BPI: variants seen among roughly 807,000 people sequenced by gnomAD.
BPI encodes bactericidal permeability-increasing protein.
Under a neutral mutation model 57.6 loss-of-function variants are expected in BPI, and 48 were observed. The ratio of observed to expected loss-of-function variants is 0.83; its 90% CI spans 0.66 to 1.06. The LOEUF (loss-of-function observed/expected upper bound fraction) is 1.06, where lower values mean the gene tolerates loss of function less well. Ranked by LOEUF, BPI falls within the 50% of genes least tolerant of loss-of-function variation. The probability of loss-of-function intolerance (pLI) is 0.00; values close to 1 mark genes in which losing one functional copy is unlikely to be tolerated. For synonymous variants in BPI, 237 were observed against 238.2 expected, an observed-to-expected ratio of 0.99 and a Z score of 0.05; for missense variants, 651 against 609.7, an observed-to-expected ratio of 1.07 and a Z score of -0.71.
chr20:38,304,433 C>A, intron 1 of BPI, 80 bp downstream of exon 1: 15 of 1,543,856 alleles, frequency 9.7e-6, no homozygotes, highest in Non-Finnish European at 1.3e-5. Flanking sequence ...CCCTTTAGAT[C>A]CAGCACCTGG....
chr20:38,326,066 G>A (rs1328060333), intron 9 of BPI, among the ~76,000 whole-genome samples, 199 bp from the exon 10 acceptor site: 1 of 152,232 alleles, frequency 6.6e-6, no homozygotes, highest in Admixed American at 6.5e-5. Flanking sequence ...CATGTGGCCA[G>A]AGATGGAAGA....
chr20:38,330,192 T>C (rs2076735346), intron 11 of BPI, among the ~76,000 whole-genome samples: 1 of 152,016 alleles, frequency 6.6e-6, no homozygotes, highest in South Asian at 2.1e-4. Flanking sequence ...GATTTTGCTG[T>C]GTAGTGCAGC....
chr20:38,322,955 T>C (rs1263687199), intron 7 of BPI, among the ~76,000 whole-genome samples: 1 of 152,214 alleles, frequency 6.6e-6, no homozygotes, highest in Non-Finnish European at 1.5e-5. Flanking sequence ...ATATGGAGGT[T>C]ATGTTTGTTA....
intron 7 of BPI, among the ~76,000 whole-genome samples, chr20:38,322,344 C>T (rs6024859): frequency 0.047 from 7,108 of 152,150 alleles, 514 homozygotes; most frequent in African/African-American, 0.16. Flanking sequence ...TACAACAGAC[C>T]AAAAGATTAA....
intron 9 of BPI, among the ~76,000 whole-genome samples, chr20:38,325,038 G>A (rs2076705505): frequency 6.6e-6 from 1 of 152,212 alleles, no homozygotes; most frequent in African/African-American, 2.4e-5. Context: ...AGTAGATGCT[G>A]GCAGGAGGTG....
At chr20:38,305,948 A>T (rs1008047473) in intron 1 of BPI, among the ~76,000 whole-genome samples, 6 of 152,214 alleles carry the variant, frequency 3.9e-5, no homozygotes, top group African/African-American at 1.4e-4. Context: ...TCTGCCTTTT[A>T]ATTGGTTCTT....
intron 5 of BPI, chr20:38,317,981 A>G (rs2076660845): frequency 4.1e-6 from 4 of 985,196 alleles, no homozygotes; most frequent in Admixed American, 1.2e-4. Flanking sequence ...AAGCAGAAAC[A>G]CTGCCCATGC....
At chr20:38,332,228 C>T (rs1291477489) in intron 12 of BPI, among the ~76,000 whole-genome samples, 9 of 152,064 alleles carry the variant, frequency 5.9e-5, no homozygotes, top group South Asian at 2.1e-4. Context: ...GAAGCCGGTG[C>T]GCTGTTTCCC....
At position 38,335,612 on chromosome 20, in the gene BPI, G is replaced by A. The variant is rs758525217; in HGVS notation, c.1351G>A (p.Gly451Ser). The A allele has an allele frequency of 1.9e-6, 3 of 1,614,120 alleles. No individual in the cohort carries two copies. The highest frequency in any genetic ancestry group is 3.3e-5 in the Admixed American group (2 of 60,026). ...CTCTGTCACAGAGAAACTACAGAAA[G>A]GCTTCCCTCTCCCGACGCCGGCCAG... ...LPRVNEKLQK[G>S]FPLPTPARVQ... The change falls in exon 14 of 15, where the codon GGC becomes AGC. Residue 451 changes from glycine to serine, a missense_variant. Physicochemically the swap from Gly to Ser is moderately conservative, Grantham distance 56. Coordinates refer to ENST00000642449, the MANE Select transcript of BPI (RefSeq NM_001725.3).
chr20:38,313,371 G>A (rs2076630775), intron 5 of BPI, among the ~76,000 whole-genome samples: 1 of 129,630 alleles, frequency 7.7e-6, no homozygotes, highest in African/African-American at 2.8e-5. Flanking sequence ...CAACGAGAGT[G>A]AAACCCTGTC....
rs749971039 is a variant in BPI, at chr20:38,309,128, G to A, written c.374+70G>A. 1.5e-3 allele frequency: 2,481 copies of A among 1,601,566 alleles called. 1 individual carries two copies. The highest frequency in any genetic ancestry group is 1.9e-3 in the Non-Finnish European group (2,198 of 1,171,424). On this transcript the variant is annotated intron_variant, in intron 3 of 14. Coordinates refer to ENST00000642449, the MANE Select transcript of BPI (RefSeq NM_001725.3). The stretch of plus-strand genomic sequence containing the variant: ...ATTTGGACGGGATTAGAGAGTCAGC[G>A]TCTCTGGAATGCCCAATTTTTGCCT...
chr20:38,326,195 C>A, intron 9 of BPI, 70 bp from the exon 10 acceptor site: 1 of 1,489,896 alleles, frequency 6.7e-7, no homozygotes, highest in South Asian at 1.3e-5. Context: ...AGGGGCAGGC[C>A]AAGGTAGGAT....
At position 38,310,475 on chromosome 20, in the gene BPI, C is replaced by T; in HGVS notation, c.375-16C>T. 2.5e-6 allele frequency: 4 copies of T among 1,610,496 alleles called. No homozygotes were observed. The highest frequency in any genetic ancestry group is 3.4e-6 in the Non-Finnish European group (4 of 1,177,186). On this transcript the variant is annotated splice_polypyrimidine_tract_variant and intron_variant, in intron 3 of 14. Transcript: ENST00000642449. ...AAGAAAGGACTTGTCCCACATTCCT[C>T]TTTGTTCTTCTTCAGAAAAATGAGC...
chr20:38,318,809 A>G (rs1181904340), intron 6 of BPI, among the ~76,000 whole-genome samples: 6 of 152,090 alleles, frequency 3.9e-5, no homozygotes, highest in Admixed American at 3.3e-4. Flanking sequence ...CTCAGTTTCC[A>G]TGTCCTTAAA....
At chr20:38,307,063 G>C (rs1454147833) in intron 1 of BPI, among the ~76,000 whole-genome samples, 1 of 151,966 alleles carries the variant, frequency 6.6e-6, no homozygotes, top group Admixed American at 6.6e-5. Context: ...GCCTGGTGTG[G>C]TGGCGAACAC....
chr20:38,317,006 AGAAAGTGGAAGGCCTTGGTCACAG>A (rs1490684718), intron 5 of BPI, among the ~76,000 whole-genome samples: 17 of 152,200 alleles, frequency 1.1e-4, no homozygotes, highest in African/African-American at 3.9e-4. Context: ...GGGGATAGGA[AGAAAGTGGAAGGCCTTGGTCACAG>A]GACTCTAGAA....
At chr20:38,326,969 T>C (rs1269678447) in intron 10 of BPI, among the ~76,000 whole-genome samples, 1 of 152,246 alleles carries the variant, frequency 6.6e-6, no homozygotes, top group Non-Finnish European at 1.5e-5. Flanking sequence ...TCTTTGTTAT[T>C]CTTCAATTCA....
chr20:38,320,003 T>G (rs1193829460), intron 6 of BPI, 180 bp from the exon 7 acceptor site: 1 of 603,214 alleles, frequency 1.7e-6, no homozygotes, highest in Non-Finnish European at 3.0e-6. Flanking sequence ...TCTGTGAATG[T>G]GGGGTGTGGG....
rs1359265544 is a variant in BPI, at chr20:38,304,261, CCCTGATGGTGCTGGTCG to C, written c.41_57del (p.Leu14HisfsTer44). The C allele has an allele frequency of 5.0e-6, 8 of 1,614,038 alleles. No individual in the cohort carries two copies. Among genetic ancestry groups the C allele is most frequent in the Non-Finnish European group, 5.9e-6 (7 of 1,180,034 alleles). On this transcript the variant is annotated frameshift_variant, in exon 1 of 15. Coordinates refer to ENST00000642449, the MANE Select transcript of BPI (RefSeq NM_001725.3). LOFTEE classifies it high-confidence loss of function. ...CCTTGCAACGCGCCGAGATGGGCGT[CCCTGATGGTGCTGGTCG>C]CCATAGGCACCGCCGTGACAGCGGC...
Sources: gnomAD v4.1 joint callset for allele counts (sites outside exome capture counted in the v4.1 genomes callset) on GRCh38, gnomAD v4.1.1 for gene constraint, MANE v1.5 for transcripts, NCBI Gene and HGNC (gene_info 2026-07-23, HGNC 2026-07-21) for gene names.